RC3H1: variants seen among roughly 807,000 people sequenced by gnomAD.
RC3H1 encodes roquin-1.
A neutral mutation model predicts 138.2 loss-of-function variants in RC3H1; 50 were observed. The ratio of observed to expected loss-of-function variants is 0.36; its 90% CI spans 0.29 to 0.46. RC3H1 has a LOEUF of 0.46. Among genes scored for constraint, RC3H1 ranks in the 20% least tolerant of loss-of-function variants. RC3H1 has a pLI of 1.00. For synonymous variants in RC3H1, 462 were observed against 489.1 expected (o/e 0.94, Z 0.73); for missense variants, 1,031 against 1,388.1 (o/e 0.74, Z 4.09).
intron 11 of RC3H1, 100 bp from the exon 12 acceptor site, chr1:173,962,195 TA>T (rs1302788892): frequency 2.4e-5 from 27 of 1,106,368 alleles, no homozygotes; most frequent in Non-Finnish European, 3.5e-5. Flanking sequence ...AAAGTATTGA[TA>T]ATCTACTTAT....
intron 8 of RC3H1, among the ~76,000 whole-genome samples, chr1:173,971,607 T>C (rs1428815968): frequency 6.6e-6 from 1 of 152,198 alleles, no homozygotes; most frequent in Non-Finnish European, 1.5e-5. Flanking sequence ...TTTATCACTA[T>C]ATGGCAGACT....
Position 173,993,064 on chromosome 1 carries a change from GA to G in RC3H1, c.-80del, listed in dbSNP as rs1557948122. 7 of 1,051,792 alleles carry G rather than the reference GA, an allele frequency of 6.7e-6. No individual in the cohort carries two copies. Among genetic ancestry groups the G allele is most frequent in the Middle Eastern group, 2.1e-4 (1 of 4,802 alleles). 65.2% of individuals were successfully genotyped at this position (1,051,792 alleles called of 1,614,324 possible). A position where few individuals can be genotyped will look rare whatever the true frequency, so the allele number is the denominator to read the frequency against. Reference sequence around the variant, plus strand: ...AGATTCCACTGGAATCAAAATCTTTGAAAAAAAGTTTATCTTTTTTTTTTTT... The same window carrying G: ...AGATTCCACTGGAATCAAAATCTTTGAAAAAAGTTTATCTTTTTTTTTTTT... On this transcript the variant is annotated 5_prime_UTR_variant, in exon 2 of 20. Coordinates refer to ENST00000367696, the MANE Select transcript of RC3H1 (RefSeq NM_172071.4).
chr1:174,002,278 GTC>G (rs1661579248), intron 1 of RC3H1, among the ~76,000 whole-genome samples: 2 of 152,128 alleles, frequency 1.3e-5, no homozygotes, highest in African/African-American at 4.8e-5. Context: ...TACTCCTCTT[GTC>G]CAGTTATTTT....
At chr1:174,018,936 T>C (rs940361919) in intron 1 of RC3H1, among the ~76,000 whole-genome samples, 1 of 152,088 alleles carries the variant, frequency 6.6e-6, no homozygotes. Flanking sequence ...GATCTGGAGA[T>C]GAAAAATACT....
At position 173,931,117 on chromosome 1, in the gene RC3H1, T is replaced by C. The variant is rs1365324148; in HGVS notation, c.*7604A>G. On this transcript the variant is annotated 3_prime_UTR_variant, in exon 20 of 20. Coordinates refer to ENST00000367696, the MANE Select transcript of RC3H1 (RefSeq NM_172071.4). Reference sequence around the variant, plus strand: ...CTCATGCAGATTAGCCATTTCTTTATTTTTCACCTAAAAAAGCCCCCTCCA... The same window carrying C: ...CTCATGCAGATTAGCCATTTCTTTACTTTTCACCTAAAAAAGCCCCCTCCA... The C allele has an allele frequency of 6.6e-6, 1 of 152,190 alleles. No individual in the cohort carries two copies. The highest frequency in any genetic ancestry group is 1.5e-5 in the Non-Finnish European group (1 of 68,046). 9.4% of individuals were successfully genotyped at this position (152,190 alleles called of 1,614,324 possible). A position where few individuals can be genotyped will look rare whatever the true frequency, so the allele number is the denominator to read the frequency against.
chr1:173,961,614 C>A, intron 12 of RC3H1, 111 bp downstream of exon 12: 2 of 1,009,700 alleles, frequency 2.0e-6, no homozygotes, highest in South Asian at 2.5e-5. Flanking sequence ...AAAAGAAGCT[C>A]TCTTATAAAA....
chr1:174,001,908 A>G (rs1661570587), intron 1 of RC3H1, among the ~76,000 whole-genome samples: 1 of 152,240 alleles, frequency 6.6e-6, no homozygotes, highest in Non-Finnish European at 1.5e-5. Flanking sequence ...CTAAGGATGT[A>G]ATAAAAACTG....
chr1:173,994,688 G>A (rs1661419491), intron 1 of RC3H1, among the ~76,000 whole-genome samples: 1 of 150,778 alleles, frequency 6.6e-6, no homozygotes, highest in Non-Finnish European at 1.5e-5. Context: ...AACCCAGGAA[G>A]CTAAGGGCTA....
rs1661637924 is a variant in RC3H1, at chr1:174,005,491, T to A, written c.-150-12356A>T. On this transcript the variant is annotated intron_variant, in intron 1 of 19. Transcript: ENST00000367696. ...TATAGTCTTTTGAGAAAACATATAA[T>A]ATTGATGTAGGAATTTGAAAGATTG... is the stretch of plus-strand genomic sequence containing the variant. Among the ~76,000 whole-genome samples the A allele has an allele frequency of 2.0e-5, 3 of 152,310 alleles. No homozygotes were observed. In the South Asian group the frequency reaches 6.2e-4, roughly 32 times the overall value.
rs564313017 is a variant in RC3H1 at position 173,977,679 on chromosome 1, A to G, written c.1102+809T>C. ...TAATACCTGATGCTAAGAATGAATA[A>G]CCACCATCAGAGCATGTAGAGAAAA... is the stretch of plus-strand genomic sequence containing the variant. On this transcript the variant is annotated intron_variant, in intron 7 of 19. Transcript: ENST00000367696. 2.9e-4 allele frequency among the ~76,000 whole-genome samples: 44 copies of G among 152,296 alleles called. No homozygotes were observed. In the South Asian group the frequency reaches 8.5e-3, roughly 29 times the overall value.
At chr1:174,021,846 C>T (rs1661968868) in intron 1 of RC3H1, among the ~76,000 whole-genome samples, 1 of 152,244 alleles carries the variant, frequency 6.6e-6, no homozygotes, top group African/African-American at 2.4e-5. Context: ...TCCTCTCGGC[C>T]TACCTACCCC....
chr1:173,941,010 C>T (rs139635162), intron 19 of RC3H1, among the ~76,000 whole-genome samples: 9,658 of 151,906 alleles, frequency 0.064, 1,068 homozygotes, highest in African/African-American at 0.22. Context: ...TTAGTAGAGA[C>T]GGGGTTTCAC....
At chr1:173,990,469 G>A (rs1440860862) in intron 2 of RC3H1, among the ~76,000 whole-genome samples, 1 of 151,908 alleles carries the variant, frequency 6.6e-6, no homozygotes, top group Non-Finnish European at 1.5e-5. Context: ...TCCATTGCCA[G>A]CGTATAGAAA....
Position 173,979,527 on chromosome 1 carries a change from G to T in RC3H1, c.970-907C>A, listed in dbSNP as rs766465700. ...GGCGTGGTACAGGGTGTGGTAGTGCGTGCCTGTAATCCCAGCTACTTGGGA... is the reference window on the plus strand; with the variant it reads ...GGCGTGGTACAGGGTGTGGTAGTGCTTGCCTGTAATCCCAGCTACTTGGGA... On this transcript the variant is annotated intron_variant, in intron 6 of 19. Transcript: ENST00000367696. Among the ~76,000 whole-genome samples, 5 of 152,214 alleles carry T rather than the reference G, an allele frequency of 3.3e-5. No individual in the cohort carries two copies. In the East Asian group the frequency reaches 7.7e-4, roughly 24 times the overall value.
chr1:174,001,058 G>A (rs1223396000), intron 1 of RC3H1, among the ~76,000 whole-genome samples: 2 of 152,182 alleles, frequency 1.3e-5, no homozygotes, highest in Non-Finnish European at 2.9e-5. Flanking sequence ...CAGGCATAAA[G>A]AGAAGGGCTT....
chr1:173,952,375 GTT>G (rs377134268), intron 13 of RC3H1, among the ~76,000 whole-genome samples: 6 of 62,556 alleles, frequency 9.6e-5, no homozygotes, highest in African/African-American at 2.4e-4. Flanking sequence ...TTTTTTTTTT[GTT>G]TTTTTTTTTT....
intron 15 of RC3H1, 33 bp downstream of exon 15, chr1:173,947,336 C>A (rs1286057038): frequency 6.9e-7 from 1 of 1,450,570 alleles, no homozygotes; most frequent in Admixed American, 1.7e-5. Context: ...AGATTATGAA[C>A]CCTTTAGGTC....
chr1:173,956,136 AAAAAAAAAAG>A (rs1343005374), intron 13 of RC3H1, among the ~76,000 whole-genome samples: 8 of 151,196 alleles, frequency 5.3e-5, no homozygotes, highest in East Asian at 1.9e-4. Flanking sequence ...GTCTCAAAAA[AAAAAAAAAAG>A]AAAAAAAAAA....
Position 173,936,730 on chromosome 1 carries a change from C to CAT in RC3H1, c.*1989_*1990dup, listed in dbSNP as rs1210669077. 94 of 46,774 alleles carry CAT rather than the reference C, an allele frequency of 2.0e-3. No homozygotes were observed. The highest frequency in any genetic ancestry group is 4.4e-3 in the East Asian group (8 of 1,810). The allele number at this position is 46,774 out of a possible 1,614,324, so 2.9% of individuals were successfully genotyped here. A position where few individuals can be genotyped will look rare whatever the true frequency, so the allele number is the denominator to read the frequency against. On this transcript the variant is annotated 3_prime_UTR_variant, in exon 20 of 20. Transcript: ENST00000367696. ...AGCCAAAAAAAAAAGAAAAAGCATA[C>CAT]ATATATATATATATATATATATATA...
Sources: gnomAD v4.1 joint callset for allele counts (sites outside exome capture counted in the v4.1 genomes callset) on GRCh38, gnomAD v4.1.1 for gene constraint, MANE v1.5 for transcripts, NCBI Gene and HGNC (gene_info 2026-07-23, HGNC 2026-07-21) for gene names.